Variants in FAT3 observed in about 807,000 individuals in gnomAD.
The protein encoded by FAT3 is FAT atypical cadherin 3, also known as protocadherin Fat 3.
A neutral mutation model predicts 310.2 loss-of-function variants in FAT3; 95 were observed. That is an observed-to-expected ratio of 0.31 (90% confidence interval 0.26 to 0.36). The LOEUF (loss-of-function observed/expected upper bound fraction) is 0.36, where lower values mean the gene tolerates loss of function less well. FAT3 is among the 10% of genes least tolerant of loss of function. The pLI is 1.00. For missense variants in FAT3, 5,408 were observed against 5,715.6 expected (o/e 0.95, Z 1.74); for synonymous variants, 2,314 against 2,192.9 (o/e 1.06, Z -1.54).
At chr11:92,570,210 G>C (rs557048486) in intron 3 of FAT3, among the ~76,000 whole-genome samples, 1 of 152,296 alleles carries the variant, frequency 6.6e-6, no homozygotes, top group South Asian at 2.1e-4. Context: ...CCCTCACAGT[G>C]CTTTCCAGTG....
At chr11:92,501,208 G>A (rs369027173) in intron 2 of FAT3, among the ~76,000 whole-genome samples, 1 of 152,006 alleles carries the variant, frequency 6.6e-6, no homozygotes, top group Non-Finnish European at 1.5e-5. Flanking sequence ...TCTTCAGCTG[G>A]GGGTATTTCT....
chr11:92,661,309 T>C (rs1942771975), intron 3 of FAT3, among the ~76,000 whole-genome samples: 1 of 152,186 alleles, frequency 6.6e-6, no homozygotes, highest in South Asian at 2.1e-4. Context: ...ATAACCTTGA[T>C]TAAAGATGGT....
chr11:92,819,527 A>T (rs961389659), intron 13 of FAT3, among the ~76,000 whole-genome samples: 2 of 152,168 alleles, frequency 1.3e-5, no homozygotes, highest in Non-Finnish European at 2.9e-5. Flanking sequence ...GGGATTCTTA[A>T]TATTTTTGTG....
chr11:92,526,359 C>A (rs1302655527), intron 3 of FAT3, among the ~76,000 whole-genome samples: 1 of 152,084 alleles, frequency 6.6e-6, no homozygotes, highest in African/African-American at 2.4e-5. Flanking sequence ...CAAAAACAAA[C>A]AATGTCACAG....
intron 1 of FAT3, among the ~76,000 whole-genome samples, chr11:92,233,866 T>A (rs1472362501): frequency 1.3e-5 from 2 of 152,216 alleles, no homozygotes; most frequent in Non-Finnish European, 1.5e-5. Flanking sequence ...AATAATCACT[T>A]TATTCCTAAG....
At chr11:92,683,018 C>T (rs141819095) in intron 3 of FAT3, among the ~76,000 whole-genome samples, 2,662 of 141,434 alleles carry the variant, frequency 0.019, 33 homozygotes, top group Non-Finnish European at 0.029. Context: ...GCGGAGGTTG[C>T]AGTGAGCTGA....
intron 13 of FAT3, among the ~76,000 whole-genome samples, chr11:92,823,985 G>A (rs1948038069): frequency 6.6e-6 from 1 of 152,090 alleles, no homozygotes; most frequent in Non-Finnish European, 1.5e-5. Flanking sequence ...TCATTGTAGT[G>A]GGATTTTATT....
rs182837509 is a variant in FAT3, at chr11:92,446,707, G to A, written c.3293-77927G>A. ...ATGTTTCCACGCATTAAATTGTAAA[G>A]ATATCTATATGCCTATAGGCTATAT... On this transcript the variant is annotated intron_variant, in intron 2 of 27. Transcript: ENST00000525166. 1.2e-4 allele frequency among the ~76,000 whole-genome samples: 18 copies of A among 152,240 alleles called. No homozygotes were observed. In the East Asian group the frequency reaches 3.3e-3, roughly 28 times the overall value.
At chr11:92,407,334 G>A (rs1463973252) in intron 2 of FAT3, among the ~76,000 whole-genome samples, 1 of 152,154 alleles carries the variant, frequency 6.6e-6, no homozygotes, top group Non-Finnish European at 1.5e-5. Context: ...GGGAAGGCAA[G>A]CACAGTTCTT....
At chr11:92,248,159 G>A in intron 1 of FAT3, among the ~76,000 whole-genome samples, 1 of 151,942 alleles carries the variant, frequency 6.6e-6, no homozygotes, top group Non-Finnish European at 1.5e-5. Context: ...GTCTTACTAT[G>A]CAAACATTTT....
chr11:92,229,973 G>GGTGTGA (rs1486799628), intron 1 of FAT3, among the ~76,000 whole-genome samples: 1 of 151,982 alleles, frequency 6.6e-6, no homozygotes, highest in Admixed American at 6.5e-5. Context: ...GCCTAGAGGA[G>GGTGTGA]GTGTGAGGAG....
intron 2 of FAT3, among the ~76,000 whole-genome samples, chr11:92,511,646 C>T (rs562036759): frequency 9.2e-5 from 14 of 152,216 alleles, no homozygotes; most frequent in African/African-American, 3.1e-4. Flanking sequence ...TCAGCCCCCA[C>T]CCTGGATGGC....
At chr11:92,489,531 A>G (rs370648871) in intron 2 of FAT3, among the ~76,000 whole-genome samples, 11 of 152,098 alleles carry the variant, frequency 7.2e-5, no homozygotes, top group African/African-American at 2.4e-4. Flanking sequence ...TGTTTTTGCC[A>G]TGGAACATAG....
chr11:92,541,805 A>G lies in FAT3; in HGVS notation c.3607+16857A>G, dbSNP rs190447086. Among the ~76,000 whole-genome samples, 351 of 152,228 alleles carry G rather than the reference A, an allele frequency of 2.3e-3. 1 individual carries two copies. Among genetic ancestry groups the G allele is most frequent in the Non-Finnish European group, 2.5e-3 (168 of 67,984 alleles). ...GGGGAGAAAGCAGGTAATTATTTGG[A>G]AAATGCCCGTTACTTTTATAAATAG... On this transcript the variant is annotated intron_variant, in intron 3 of 27. Transcript: ENST00000525166.
intron 3 of FAT3, 97 bp from the exon 4 acceptor site, chr11:92,697,287 C>T: frequency 2.1e-6 from 2 of 969,348 alleles, no homozygotes; most frequent in South Asian, 1.4e-5. Context: ...CAGTTCCATA[C>T]CACTTTTGCT....
At chr11:92,587,225 G>C (rs1272885482) in intron 3 of FAT3, among the ~76,000 whole-genome samples, 1 of 151,794 alleles carries the variant, frequency 6.6e-6, no homozygotes, top group East Asian at 1.9e-4. Context: ...CAGAAACCTC[G>C]ATCTATAGAA....
chr11:92,690,062 T>C (rs1161774100), intron 3 of FAT3, among the ~76,000 whole-genome samples: 1 of 152,232 alleles, frequency 6.6e-6, no homozygotes, highest in Non-Finnish European at 1.5e-5. Context: ...CTCTACAGTT[T>C]TCCTCTGCAG....
At chr11:92,761,822 C>A (rs752387404) in intron 4 of FAT3, 34 bp from the exon 5 acceptor site, 1 of 1,577,786 alleles carries the variant, frequency 6.3e-7, no homozygotes, top group Non-Finnish European at 8.6e-7. Flanking sequence ...GAATAATTTT[C>A]TCCTTTCTGA....
At chr11:92,652,688 C>G (rs577266583) in intron 3 of FAT3, among the ~76,000 whole-genome samples, 1 of 152,254 alleles carries the variant, frequency 6.6e-6, no homozygotes, top group Admixed American at 6.5e-5. Flanking sequence ...CTAAAGACAC[C>G]GGGGCTGGGA....
Sources: allele counts gnomAD v4.1 joint callset (sites outside exome capture counted in the v4.1 genomes callset), GRCh38; gene constraint gnomAD v4.1.1; transcripts MANE v1.5; gene names NCBI Gene and HGNC (gene_info 2026-07-23, HGNC 2026-07-21).